IMMP2L: variants seen among roughly 807,000 people sequenced by gnomAD.
The protein encoded by IMMP2L is inner mitochondrial membrane peptidase subunit 2, also known as mitochondrial inner membrane protease subunit 2.
Under a neutral mutation model 19.3 loss-of-function variants are expected in IMMP2L, and 18 were observed. That is an observed-to-expected ratio of 0.93 (90% CI 0.64 to 1.38). IMMP2L has a LOEUF of 1.38. Among genes scored for constraint, IMMP2L ranks in the 40% most tolerant of loss-of-function variants. The pLI is 0.00. For missense variants in IMMP2L, 233 were observed against 218.2 expected (o/e 1.07, Z -0.43); for synonymous variants, 76 against 73.0 (o/e 1.04, Z -0.21).
intron 3 of IMMP2L, among the ~76,000 whole-genome samples, chr7:111,436,970 A>G (rs1354790047): frequency 6.6e-6 from 1 of 151,690 alleles, no homozygotes; most frequent in Admixed American, 6.6e-5. Flanking sequence ...GAACTCACTC[A>G]TTATCATGAG....
chr7:111,557,512 A>C (rs1348529424), intron 1 of IMMP2L, among the ~76,000 whole-genome samples: 2 of 152,148 alleles, frequency 1.3e-5, no homozygotes, highest in Non-Finnish European at 2.9e-5. Flanking sequence ...TTTACCTAGA[A>C]ATGCTTTCTA....
chr7:110,979,597 T>C (rs1420200204), intron 3 of IMMP2L, among the ~76,000 whole-genome samples: 2 of 152,058 alleles, frequency 1.3e-5, no homozygotes, highest in Non-Finnish European at 2.9e-5. Flanking sequence ...CATGTATACA[T>C]ATGTAACCAA....
chr7:110,664,570 A>G (rs1791312782), intron 5 of IMMP2L, among the ~76,000 whole-genome samples: 1 of 152,160 alleles, frequency 6.6e-6, no homozygotes, highest in Non-Finnish European at 1.5e-5. Flanking sequence ...AATCTTAAAG[A>G]CATCAATTTC....
chr7:111,478,612 A>G (rs1304488800), intron 3 of IMMP2L, among the ~76,000 whole-genome samples: 2 of 151,826 alleles, frequency 1.3e-5, no homozygotes, highest in Admixed American at 1.3e-4. Flanking sequence ...AGTAGAGACC[A>G]GGGAAGTCTT....
At chr7:111,451,713 T>TAA (rs779828841) in intron 3 of IMMP2L, among the ~76,000 whole-genome samples, 1,882 of 116,730 alleles carry the variant, frequency 0.016, 40 homozygotes, top group African/African-American at 0.057. Flanking sequence ...AAAGTATAAT[T>TAA]AAAAAAAAAA....
intron 3 of IMMP2L, among the ~76,000 whole-genome samples, chr7:111,038,873 T>C: frequency 6.6e-6 from 1 of 152,178 alleles, no homozygotes; most frequent in East Asian, 1.9e-4. Context: ...TCTCTCAAAG[T>C]ACAAGTAATC....
chr7:111,503,106 C>G (rs1280042660), intron 2 of IMMP2L, among the ~76,000 whole-genome samples: 1 of 151,992 alleles, frequency 6.6e-6, no homozygotes, highest in Non-Finnish European at 1.5e-5. Flanking sequence ...AGAGAAGAAT[C>G]AAATAGACAC....
At chr7:110,795,606 T>C (rs185558515) in intron 5 of IMMP2L, among the ~76,000 whole-genome samples, 164 of 151,990 alleles carry the variant, frequency 1.1e-3, no homozygotes, top group African/African-American at 3.8e-3. Flanking sequence ...TAGAGACAAA[T>C]GAAATTTGTG....
chr7:111,023,685 T>C lies in IMMP2L; in HGVS notation c.240-60120A>G, dbSNP rs143386721. Reference sequence around the variant, plus strand: ...TCATGCCATTGCACTCCAGCCTGGGTAACCAGAGCAAAACTCCATCTTAAA... The same window carrying C: ...TCATGCCATTGCACTCCAGCCTGGGCAACCAGAGCAAAACTCCATCTTAAA... On this transcript the variant is annotated intron_variant, in intron 3 of 5. Coordinates refer to ENST00000405709, the MANE Select transcript of IMMP2L (RefSeq NM_032549.4). Among the ~76,000 whole-genome samples the C allele has an allele frequency of 6.2e-4, 95 of 152,210 alleles. 1 individual carries two copies. Among genetic ancestry groups the C allele is most frequent in the African/African-American group, 2.2e-3 (90 of 41,532 alleles).
intron 5 of IMMP2L, among the ~76,000 whole-genome samples, chr7:110,696,913 A>G (rs1373474106): frequency 6.6e-6 from 1 of 152,202 alleles, no homozygotes; most frequent in East Asian, 1.9e-4. Context: ...TCAAATGGGC[A>G]GGAAGATCCA....
intron 3 of IMMP2L, among the ~76,000 whole-genome samples, chr7:111,325,420 T>C (rs1825205111): frequency 6.6e-6 from 1 of 151,660 alleles, no homozygotes; most frequent in Non-Finnish European, 1.5e-5. Flanking sequence ...AAATATAATG[T>C]TTTAATTCCA....
At chr7:111,099,216 T>C (rs976926358) in intron 3 of IMMP2L, among the ~76,000 whole-genome samples, 1 of 151,714 alleles carries the variant, frequency 6.6e-6, no homozygotes. Context: ...ACTTAGCTCA[T>C]TGGTCTCAAA....
intron 3 of IMMP2L, among the ~76,000 whole-genome samples, chr7:111,285,687 T>C (rs1158350197): frequency 6.6e-6 from 1 of 152,160 alleles, no homozygotes; most frequent in Admixed American, 6.5e-5. Flanking sequence ...TCCTCAAGAC[T>C]TCCACAGCAT....
At chr7:111,489,875 A>G (rs773101789) in intron 2 of IMMP2L, among the ~76,000 whole-genome samples, 1 of 151,472 alleles carries the variant, frequency 6.6e-6, no homozygotes, top group Non-Finnish European at 1.5e-5. Flanking sequence ...CAACAAATAA[A>G]TTTTTTTTTG....
At chr7:110,937,226 C>T (rs1237629891) in intron 4 of IMMP2L, among the ~76,000 whole-genome samples, 2 of 151,946 alleles carry the variant, frequency 1.3e-5, no homozygotes, top group Non-Finnish European at 1.5e-5. Flanking sequence ...AAACATTACG[C>T]TAAGTGAAAA....
chr7:111,349,975 T>C (rs572139543), intron 3 of IMMP2L, among the ~76,000 whole-genome samples: 171 of 152,120 alleles, frequency 1.1e-3, no homozygotes, highest in Admixed American at 4.7e-3. Flanking sequence ...TGGTCCTTTT[T>C]TTTTTTTTTG....
intron 3 of IMMP2L, among the ~76,000 whole-genome samples, chr7:111,117,012 T>C (rs965796770): frequency 2.0e-5 from 3 of 152,146 alleles, no homozygotes; most frequent in Non-Finnish European, 2.9e-5. Context: ...CTTAATTTAA[T>C]GATTAAAGTA....
chr7:111,125,589 T>C (rs563791911), intron 3 of IMMP2L: 2 of 157,964 alleles, frequency 1.3e-5, no homozygotes, highest in South Asian at 4.1e-4. Flanking sequence ...GCCTCAAATA[T>C]GGATTTCAGA....
At chr7:110,785,939 A>G (rs1380945392) in intron 5 of IMMP2L, among the ~76,000 whole-genome samples, 1 of 151,846 alleles carries the variant, frequency 6.6e-6, no homozygotes, top group Non-Finnish European at 1.5e-5. Flanking sequence ...TGATTCCTTG[A>G]AAGGGAGAGG....
Sources: allele counts gnomAD v4.1 joint callset (sites outside exome capture counted in the v4.1 genomes callset), GRCh38; gene constraint gnomAD v4.1.1; transcripts MANE v1.5; gene names NCBI Gene and HGNC (gene_info 2026-07-23, HGNC 2026-07-21).